BMPR1B: variants seen among roughly 807,000 people sequenced by gnomAD.
The protein encoded by BMPR1B is bone morphogenetic protein receptor type-1B.
A neutral mutation model predicts 59.1 loss-of-function variants in BMPR1B; 12 were observed. The ratio of observed to expected loss-of-function variants is 0.20; its 90% confidence interval spans 0.13 to 0.33. The LOEUF (loss-of-function observed/expected upper bound fraction) is 0.33. Ranked by LOEUF, BMPR1B falls within the 10% of genes least tolerant of loss-of-function variation. BMPR1B has a pLI of 1.00. For synonymous variants in BMPR1B, 237 were observed against 207.3 expected (o/e 1.14, Z -1.23); for missense variants, 550 against 610.9 (o/e 0.90, Z 1.05).
intron 2 of BMPR1B, among the ~76,000 whole-genome samples, chr4:94,910,571 A>G (rs1728234457): frequency 6.6e-6 from 1 of 152,072 alleles, no homozygotes; most frequent in Non-Finnish European, 1.5e-5. Context: ...CTTTTTAGGC[A>G]TAGTTGCTTA....
intron 1 of BMPR1B, among the ~76,000 whole-genome samples, chr4:94,782,135 C>T (rs1722613392): frequency 6.6e-6 from 1 of 150,676 alleles, no homozygotes; most frequent in Admixed American, 6.6e-5. Context: ...TATATATGTG[C>T]TTAATGGTGT....
intron 3 of BMPR1B, among the ~76,000 whole-genome samples, chr4:95,088,505 A>G (rs567540255): frequency 2.0e-5 from 3 of 152,282 alleles, no homozygotes; most frequent in African/African-American, 7.2e-5. Context: ...CTTTTAGGAT[A>G]TAATGATCCT....
intron 3 of BMPR1B, among the ~76,000 whole-genome samples, chr4:94,998,384 T>G (rs1722207747): frequency 6.6e-6 from 1 of 151,856 alleles, no homozygotes; most frequent in Non-Finnish European, 1.5e-5. Flanking sequence ...CCTTTTTTTT[T>G]TTTTTTGAGA....
intron 1 of BMPR1B, among the ~76,000 whole-genome samples, chr4:94,872,216 G>T (rs993494722): frequency 6.6e-6 from 1 of 152,098 alleles, no homozygotes; most frequent in Non-Finnish European, 1.5e-5. Flanking sequence ...AGCTTTGAAG[G>T]CAAAGCCCTA....
chr4:95,016,327 A>G (rs183855134), intron 3 of BMPR1B, among the ~76,000 whole-genome samples: 1 of 152,182 alleles, frequency 6.6e-6, no homozygotes, highest in Admixed American at 6.5e-5. Context: ...CAGTGGGCTG[A>G]TATTTTTCAA....
chr4:95,120,872 G>A (rs1430774715), intron 6 of BMPR1B, among the ~76,000 whole-genome samples: 11 of 147,328 alleles, frequency 7.5e-5, no homozygotes, highest in Non-Finnish European at 1.2e-4. Context: ...GCAGTGACAC[G>A]ATTTCTGCTC....
chr4:94,795,959 G>A (rs540946624), intron 1 of BMPR1B, among the ~76,000 whole-genome samples: 4 of 141,732 alleles, frequency 2.8e-5, no homozygotes, highest in African/African-American at 1.1e-4. Flanking sequence ...CTTTACGTAA[G>A]CTTTTTTTAA....
chr4:94,999,302 CT>C (rs1722277825), intron 3 of BMPR1B, among the ~76,000 whole-genome samples: 2 of 152,008 alleles, frequency 1.3e-5, no homozygotes, highest in African/African-American at 4.8e-5. Context: ...ACCCCTTTCA[CT>C]TTAAAATATT....
intron 2 of BMPR1B, among the ~76,000 whole-genome samples, chr4:94,951,617 C>T (rs532155196): frequency 2.0e-5 from 3 of 152,204 alleles, no homozygotes; most frequent in East Asian, 3.9e-4. Flanking sequence ...CCGACTTGAT[C>T]GTGGTGGATA....
chr4:95,017,861 A>G (rs538181258), intron 3 of BMPR1B, among the ~76,000 whole-genome samples: 4 of 152,278 alleles, frequency 2.6e-5, no homozygotes, highest in African/African-American at 9.6e-5. Flanking sequence ...CACCTGCTCT[A>G]TAGTTGTGGA....
chr4:95,133,016 C>T lies in BMPR1B; in HGVS notation c.1076+1504C>T, dbSNP rs537215300. Among the ~76,000 whole-genome samples the T allele has an allele frequency of 7.2e-5, 11 of 152,284 alleles. No individual in the cohort carries two copies. The South Asian group carries it at 2.3e-3, about 32-fold the overall frequency. On this transcript the variant is annotated intron_variant, in intron 10 of 12. Coordinates refer to ENST00000515059, the MANE Select transcript of BMPR1B (RefSeq NM_001203.3). Reference sequence around the variant, plus strand: ...ACATATTTTCCGACTGCTAGATTTCCTGCTGTATCTGCATTTCCTTCCTAG... The same window carrying T: ...ACATATTTTCCGACTGCTAGATTTCTTGCTGTATCTGCATTTCCTTCCTAG...
intron 2 of BMPR1B, among the ~76,000 whole-genome samples, chr4:94,889,982 A>C (rs1727327135): frequency 6.6e-6 from 1 of 151,986 alleles, no homozygotes. Flanking sequence ...GAGAGGAATG[A>C]AGGGAGGGCA....
intron 10 of BMPR1B, among the ~76,000 whole-genome samples, chr4:95,133,240 T>C (rs1490784610): frequency 1.3e-5 from 2 of 152,198 alleles, no homozygotes; most frequent in Admixed American, 6.5e-5. Flanking sequence ...TCTCTCCTAT[T>C]TCCAGTCTTC....
chr4:95,046,254 A>G (rs1726055025), intron 3 of BMPR1B, among the ~76,000 whole-genome samples: 1 of 152,142 alleles, frequency 6.6e-6, no homozygotes, highest in African/African-American at 2.4e-5. Context: ...GATACTTTGT[A>G]TCCTTGTTTT....
chr4:94,881,558 C>T (rs1160349460), intron 2 of BMPR1B, among the ~76,000 whole-genome samples: 2 of 152,032 alleles, frequency 1.3e-5, no homozygotes, highest in African/African-American at 2.4e-5. Flanking sequence ...CTCCACCTCC[C>T]AGGTTCAAGT....
chr4:94,945,395 T>A (rs1341512223), intron 2 of BMPR1B, among the ~76,000 whole-genome samples: 1 of 152,190 alleles, frequency 6.6e-6, no homozygotes, highest in East Asian at 1.9e-4. Context: ...TGGTTCAGTA[T>A]CCATGGATTA....
intron 3 of BMPR1B, among the ~76,000 whole-genome samples, chr4:95,055,092 T>G (rs1726815130): frequency 6.6e-6 from 1 of 152,132 alleles, no homozygotes; most frequent in Non-Finnish European, 1.5e-5. Context: ...TCCACTCCCT[T>G]GTGAATACAG....
At chr4:94,792,350 C>T (rs1479030231) in intron 1 of BMPR1B, among the ~76,000 whole-genome samples, 2 of 152,056 alleles carry the variant, frequency 1.3e-5, no homozygotes, top group Non-Finnish European at 2.9e-5. Context: ...CTGTTTTTGG[C>T]CTCTGATTTT....
intron 10 of BMPR1B, among the ~76,000 whole-genome samples, chr4:95,137,988 T>C (rs183500349): frequency 3.1e-3 from 470 of 152,334 alleles, no homozygotes; most frequent in Non-Finnish European, 5.7e-3. Context: ...GTTGATGCAG[T>C]TTCTTCCTAG....
Sources: gnomAD v4.1 joint callset for allele counts (sites outside exome capture counted in the v4.1 genomes callset) on GRCh38, gnomAD v4.1.1 for gene constraint, MANE v1.5 for transcripts, NCBI Gene and HGNC (gene_info 2026-07-23, HGNC 2026-07-21) for gene names.